APC2: variants seen among roughly 807,000 people sequenced by gnomAD.
The protein encoded by APC2 is adenomatous polyposis coli protein 2.
In APC2, 41 loss-of-function variants were observed where a neutral mutation model predicts 72.5. The ratio of observed to expected loss-of-function variants is 0.57; its 90% confidence interval spans 0.44 to 0.73. The LOEUF (loss-of-function observed/expected upper bound fraction) is 0.73, where lower values mean the gene tolerates loss of function less well. Among genes scored for constraint, APC2 ranks in the 30% least tolerant of loss-of-function variants. The pLI is 0.00. For synonymous variants in APC2, 1,898 were observed against 1,612.0 expected (o/e 1.18, Z -4.25); for missense variants, 3,729 against 3,403.4 (o/e 1.10, Z -2.38).
At position 1,452,799 on chromosome 19, in the gene APC2, C is replaced by A; in HGVS notation, c.-18-185C>A. ...TCTCACTCCACCTGCCCCTCTGCGC[C>A]CCGGATTGCCTGGCCACCACCACGT... is the stretch of plus-strand genomic sequence containing the variant. On this transcript the variant is annotated intron_variant, in intron 1 of 14. Transcript: ENST00000590469. The surrounding 1 kb of genome is among the most constrained non-coding windows in gnomAD (Gnocchi z 5.1). 3 of 677,406 alleles carry A rather than the reference C, an allele frequency of 4.4e-6. No individual in the cohort carries two copies. The highest frequency in any genetic ancestry group is 4.8e-6 in the Non-Finnish European group (2 of 415,436). The allele number at this position is 677,406 out of a possible 1,614,324, so 42.0% of individuals were successfully genotyped here.
rs1312571257 is a variant in APC2, at chr19:1,467,211, C to CGCGGCGGGG, written c.3914_3922dup (p.Gly1305_Gly1307dup). The CGCGGCGGGG allele has an allele frequency of 2.1e-6, 3 of 1,415,922 alleles. No individual in the cohort carries two copies. The highest frequency in any genetic ancestry group is 2.7e-6 in the Non-Finnish European group (3 of 1,091,166). 87.7% of individuals were successfully genotyped at this position (1,415,922 alleles called of 1,614,324 possible). ...GCTGCTGCCCTCGGCCTGCCCCGAG[C>CGCGGCGGGG]GCGGCGGGGGCGCCGGGGGCGCCGG... is the stretch of plus-strand genomic sequence containing the variant. On this transcript the variant is annotated inframe_insertion, in exon 15 of 15. Transcript: ENST00000590469.
upstream of APC2, among the ~76,000 whole-genome samples, chr19:1,449,813 A>T (rs891964901): frequency 6.6e-6 from 1 of 152,180 alleles, no homozygotes; most frequent in Non-Finnish European, 1.5e-5. Flanking sequence ...TGCTGATGTA[A>T]CATCCAGGAT....
At chr19:1,448,468 C>A (rs1323137493), upstream of APC2, among the ~76,000 whole-genome samples, 1 of 151,632 alleles carries the variant, frequency 6.6e-6, no homozygotes, top group African/African-American at 2.4e-5. Context: ...ATCACTTGAA[C>A]CCAGGAGGCG....
chr19:1,460,316 A>G lies in APC2; in HGVS notation c.1439A>G (p.Asn480Ser). The change falls in exon 11 of 15, where the codon AAC becomes AGC. Residue 480 changes from asparagine to serine, a missense_variant. Transcript: ENST00000590469. Reference protein sequence around the residue: ...LTNLTFGDVANKATLCARRGC... With the variant: ...LTNLTFGDVASKATLCARRGC... Reference sequence around the variant, plus strand: ...AACCTCACCTTTGGGGACGTTGCCAACAAGGTGCCCGGGGGCAGTGGGTGG... The same window carrying G: ...AACCTCACCTTTGGGGACGTTGCCAGCAAGGTGCCCGGGGGCAGTGGGTGG... 2 of 1,613,380 alleles carry G rather than the reference A, an allele frequency of 1.2e-6. No homozygotes were observed. The highest frequency in any genetic ancestry group is 1.7e-6 in the Non-Finnish European group (2 of 1,179,986).
Position 1,466,531 on chromosome 19 carries a change from C to G in APC2, c.3230C>G (p.Ser1077Cys). 6.3e-7 allele frequency: 1 copy of G among 1,587,468 alleles called. No individual in the cohort carries two copies. The highest frequency in any genetic ancestry group is 8.5e-7 in the Non-Finnish European group (1 of 1,174,604). ...LSRCSSLSSLSSAGRPGPSEG... is the reference protein window; with the variant it reads ...LSRCSSLSSLCSAGRPGPSEG... ...CGATGCAGCTCCCTTTCCTCGCTGT[C>G]CTCGGCCGGCCGCCCAGGCCCCAGC... The change falls in exon 15 of 15, where the codon TCC becomes TGC. Residue 1077 changes from serine to cysteine, a missense_variant. Transcript: ENST00000590469.
At chr19:1,458,162 C>A in intron 10 of APC2, 102 bp downstream of exon 10, 2 of 1,133,602 alleles carry the variant, frequency 1.8e-6, no homozygotes, top group Non-Finnish European at 2.6e-6. Context: ...TGAGCTTGGG[C>A]TGGGGATTGG....
At chr19:1,457,642 G>A (rs766511197) in intron 9 of APC2, 51 of 511,636 alleles carry the variant, frequency 1.0e-4, no homozygotes, top group East Asian at 2.2e-4. Flanking sequence ...GGGCTGCAGT[G>A]AGCTGAGATC....
rs111389603 is a variant in APC2, at chr19:1,465,955, G to A, written c.2654G>A (p.Arg885Gln). The change falls in exon 15 of 15, where the codon CGG (arginine) becomes CAG (glutamine). Residue 885 changes from arginine (R) to glutamine (Q), a missense_variant. Coordinates refer to ENST00000590469, the MANE Select transcript of APC2 (RefSeq NM_005883.3). The part of the protein sequence containing the change: ...SSGDPGQEAP[R>Q]EGRAQSCSPC... Reference sequence around the variant, plus strand: ...GGAGACCCGGGACAGGAGGCGCCACGGGAGGGCCGCGCCCAGTCCTGCTCG... The same window carrying A: ...GGAGACCCGGGACAGGAGGCGCCACAGGAGGGCCGCGCCCAGTCCTGCTCG... 7.5e-5 allele frequency: 118 copies of A among 1,575,826 alleles called. No homozygotes were observed. Among genetic ancestry groups the A allele is most frequent in the Non-Finnish European group, 9.6e-5 (112 of 1,167,400 alleles).
At position 1,457,375 on chromosome 19, in the gene APC2, G is replaced by A. The variant is rs1019896413; in HGVS notation, c.1207+132G>A. On this transcript the variant is annotated intron_variant, in intron 9 of 14. Transcript: ENST00000590469. ...GTTGGAGGCTGCAGTACCAGGCTCC[G>A]GCCGAGGCCTGTGGGGGCATTTGAC... is the stretch of plus-strand genomic sequence containing the variant. 11 of 1,297,018 alleles carry A rather than the reference G, an allele frequency of 8.5e-6. No individual in the cohort carries two copies. In the South Asian group the frequency reaches 1.1e-4, roughly 13 times the overall value. The allele number at this position is 1,297,018 out of a possible 1,614,324, so 80.3% of individuals were successfully genotyped here.
upstream of APC2, chr19:1,450,068 C>T: frequency 1.1e-6 from 1 of 922,642 alleles, no homozygotes; most frequent in Non-Finnish European, 1.3e-6. Flanking sequence ...CGTCTTCCCG[C>T]GCCCTCATTG....
intron 13 of APC2, 126 bp from the exon 14 acceptor site, chr19:1,461,837 G>A (rs1408308781): frequency 7.8e-6 from 6 of 767,028 alleles, no homozygotes; most frequent in African/African-American, 3.6e-5. Flanking sequence ...GGGGGAGAGA[G>A]TGAGATTCCG....
chr19:1,455,804 G>A (rs969787784), intron 6 of APC2, among the ~76,000 whole-genome samples: 1 of 152,118 alleles, frequency 6.6e-6, no homozygotes, highest in African/African-American at 2.4e-5. Flanking sequence ...TAGGTTCTGG[G>A]TGGAGCCCAA....
At chr19:1,451,566 G>A (rs955312095) in intron 1 of APC2, 1 of 152,266 alleles carries the variant, frequency 6.6e-6, no homozygotes, top group Non-Finnish European at 1.5e-5. Flanking sequence ...TGCCCTGCAG[G>A]TTCCTCAGAG....
intron 14 of APC2, among the ~76,000 whole-genome samples, chr19:1,464,831 C>G (rs1017813900): frequency 6.6e-6 from 1 of 151,626 alleles, no homozygotes; most frequent in East Asian, 1.9e-4. Flanking sequence ...GAGGGTTTCA[C>G]CATGTTGGCC....
chr19:1,457,197 G>T lies in APC2; in HGVS notation c.1161G>T (p.Trp387Cys). ...IRAYCETCWD[W>C]LQARDGGPEG... ...CCTACTGCGAGACCTGCTGGGACTG[G>T]CTGCAGGCCCGAGACGGCGGGCCCG... The change falls in exon 9 of 15, where the codon TGG becomes TGT. Residue 387 changes from tryptophan (W) to cysteine (C), a missense_variant. By Grantham distance (215) the Trp-to-Cys change is radical. Coordinates refer to ENST00000590469, the MANE Select transcript of APC2 (RefSeq NM_005883.3). The T allele has an allele frequency of 6.4e-7, 1 of 1,560,606 alleles. No individual in the cohort carries two copies. Among genetic ancestry groups the T allele is most frequent in the Admixed American group, 1.9e-5 (1 of 52,756 alleles).
At position 1,471,954 on chromosome 19, in the gene APC2, G is replaced by A. The variant is rs958667129; in HGVS notation, c.*1741G>A. On this transcript the variant is annotated 3_prime_UTR_variant, in exon 15 of 15. Coordinates refer to ENST00000590469, the MANE Select transcript of APC2 (RefSeq NM_005883.3). The stretch of plus-strand genomic sequence containing the variant: ...CCTGCAGGACAAGGAGCTCCAGACA[G>A]GACGTCCATAAGTCACCGAGGTGTG... 3.3e-5 allele frequency: 5 copies of A among 152,384 alleles called. No individual in the cohort carries two copies. The highest frequency in any genetic ancestry group is 1.2e-4 in the African/African-American group (5 of 41,456). The allele number at this position is 152,384 out of a possible 1,614,324, so 9.4% of individuals were successfully genotyped here. A position where few individuals can be genotyped will look rare whatever the true frequency, so the allele number is the denominator to read the frequency against.
chr19:1,465,366 G>A lies in APC2; in HGVS notation c.2065G>A (p.Ala689Thr), dbSNP rs1314336949. The stretch of plus-strand genomic sequence containing the variant: ...CAAGATGATCGCCATGGGCAGCGCC[G>A]CCGCCCTGCGCAACCTGCTGGCCCA... The part of the protein sequence containing the change: ...KHKMIAMGSA[A>T]ALRNLLAHRP... The change falls in exon 15 of 15, where the codon GCC becomes ACC. Residue 689 changes from alanine (A) to threonine (T), a missense_variant. By Grantham distance (58) the Ala-to-Thr change is moderately conservative. Transcript: ENST00000590469. The A allele has an allele frequency of 5.7e-6, 9 of 1,581,308 alleles. No individual in the cohort carries two copies. The highest frequency in any genetic ancestry group is 4.0e-5 in the African/African-American group (3 of 74,416).
rs780976666 is a variant in APC2 at position 1,467,711 on chromosome 19, C to T, written c.4410C>T (p.Gly1470=). The change falls in exon 15 of 15, where the codon GGC becomes GGT. Residue 1470 remains glycine, a synonymous_variant. Coordinates refer to ENST00000590469, the MANE Select transcript of APC2 (RefSeq NM_005883.3). ...GAGCAGGGCTGGAGCTGCCCCTGGGCCGGCCCCCGAGCGCCCCCGCAGACA... is the reference window on the plus strand; with the variant it reads ...GAGCAGGGCTGGAGCTGCCCCTGGGTCGGCCCCCGAGCGCCCCCGCAGACA... The part of the protein sequence containing the change: ...KNRAGLELPL[G]RPPSAPADKD... The T allele has an allele frequency of 4.4e-5, 63 of 1,443,450 alleles. No individual in the cohort carries two copies. The highest frequency in any genetic ancestry group is 5.1e-5 in the Non-Finnish European group (56 of 1,106,898). The allele number at this position is 1,443,450 out of a possible 1,614,324, so 89.4% of individuals were successfully genotyped here.
rs372462134 is a variant in APC2, at chr19:1,452,986, G to A, written c.-16G>A. ...ACCCTCTGACCCTGTGATCCCAGAC[G>A]CTGCAGGAGCTGAAGATGGCGAGCT... On this transcript the variant is annotated splice_region_variant and 5_prime_UTR_variant, in exon 2 of 15. Transcript: ENST00000590469. The surrounding 1 kb of genome is among the most constrained non-coding windows in gnomAD (Gnocchi z 5.1). 9 of 1,610,514 alleles carry A rather than the reference G, an allele frequency of 5.6e-6. No homozygotes were observed. The highest frequency in any genetic ancestry group is 4.5e-5 in the East Asian group (2 of 44,888).
Sources: gnomAD v4.1 joint callset for allele counts (sites outside exome capture counted in the v4.1 genomes callset) on GRCh38, gnomAD v4.1.1 for gene constraint, Gnocchi (gnomAD v3.1) non-coding constraint, MANE v1.5 for transcripts, NCBI Gene and HGNC (gene_info 2026-07-23, HGNC 2026-07-21) for gene names.